The following ENDOU variants were observed in gnomAD, a reference collection of about 807,000 sequenced individuals.
ENDOU encodes uridylate-specific endoribonuclease.
In ENDOU, 49 loss-of-function variants were observed where a neutral mutation model predicts 54.2. The ratio of observed to expected loss-of-function variants is 0.90; its 90% CI spans 0.72 to 1.15. The LOEUF (loss-of-function observed/expected upper bound fraction) is 1.15, where lower values mean the gene tolerates loss of function less well. ENDOU is among the 50% of genes most tolerant of loss of function. The pLI is 0.00. For synonymous variants in ENDOU, 172 were observed against 190.5 expected (o/e 0.90, Z 0.80); for missense variants, 458 against 511.4 (o/e 0.90, Z 1.01).
At chr12:47,721,233 T>C (rs983275445) in intron 1 of ENDOU, among the ~76,000 whole-genome samples, 4 of 152,178 alleles carry the variant, frequency 2.6e-5, no homozygotes, top group African/African-American at 7.2e-5. Flanking sequence ...TTGCAGCTGA[T>C]GCTCAGCTCT....
chr12:47,722,571 C>A (rs986735666), intron 1 of ENDOU, among the ~76,000 whole-genome samples: 1 of 152,118 alleles, frequency 6.6e-6, no homozygotes, highest in African/African-American at 2.4e-5. Context: ...ATTTCATGCC[C>A]ATCTTCCAAG....
intron 8 of ENDOU, 75 bp downstream of exon 8, chr12:47,712,441 A>G: frequency 1.0e-6 from 1 of 996,580 alleles, no homozygotes; most frequent in East Asian, 2.5e-5. Flanking sequence ...CTGAGAGGCA[A>G]GTCGACAGTT....
chr12:47,717,518 C>G lies in ENDOU; in HGVS notation c.382G>C (p.Glu128Gln), dbSNP rs751052292. ...KDFESLCSDH[E>Q]VSHSSDAITK... ...TTAGCTAAGGGAGCAGAAGACTAAC[C>G]GTGGTCACTACACAGGCTCTCAAAA... The change falls in exon 4 of 10, where the codon GAG becomes CAG. Residue 128 changes from glutamate (E) to glutamine (Q), a missense_variant and splice_region_variant. Coordinates refer to ENST00000422538, the MANE Select transcript of ENDOU (RefSeq NM_001172439.2). The G allele has an allele frequency of 1.9e-6, 3 of 1,614,010 alleles. No individual in the cohort carries two copies. The South Asian group carries it at 3.3e-5, about 18-fold the overall frequency.
intron 1 of ENDOU, among the ~76,000 whole-genome samples, chr12:47,722,143 G>C (rs1464346914): frequency 6.6e-6 from 1 of 152,182 alleles, no homozygotes; most frequent in Non-Finnish European, 1.5e-5. Flanking sequence ...TGGGGGCTTG[G>C]TTCTGGTTAT....
chr12:47,716,066 A>G (rs1940216819), intron 6 of ENDOU, among the ~76,000 whole-genome samples: 1 of 152,122 alleles, frequency 6.6e-6, no homozygotes, highest in African/African-American at 2.4e-5. Flanking sequence ...ACATGAAGTC[A>G]AAGGTGGGGT....
rs766280901 is a variant in ENDOU at position 47,717,011 on chromosome 12, T to A, written c.430A>T (p.Ile144Phe). The A allele has an allele frequency of 3.1e-6, 5 of 1,614,026 alleles. No homozygotes were observed. In the East Asian group the frequency reaches 8.9e-5, roughly 29 times the overall value. Residue 144 changes from isoleucine (I) to phenylalanine (F), a missense_variant, in exon 5 of 10, where the codon ATC (isoleucine) becomes TTC (phenylalanine). By Grantham distance (21) the Ile-to-Phe change is conservative (BLOSUM62 0). Transcript: ENST00000422538. ...TCTGCCCTGTAGATCTTCTCAGAGA[T>A]GCTCTGAATCTCCTCTTTTGTTATG... Reference protein sequence around the residue: ...DAITKEEIQSISEKIYRADTN... With the variant: ...DAITKEEIQSFSEKIYRADTN...
intron 1 of ENDOU, among the ~76,000 whole-genome samples, chr12:47,724,837 C>T (rs1940535637): frequency 6.6e-6 from 1 of 152,174 alleles, no homozygotes; most frequent in Non-Finnish European, 1.5e-5. Flanking sequence ...CTGTACAGCC[C>T]CAGATAGGAC....
chr12:47,712,682 C>T, intron 7 of ENDOU, 60 bp from the exon 8 acceptor site: 1 of 1,275,756 alleles, frequency 7.8e-7, no homozygotes, highest in South Asian at 1.3e-5. Flanking sequence ...CCCTCCAATC[C>T]CCTTTCTCCA....
intron 3 of ENDOU, 156 bp downstream of exon 3, chr12:47,717,973 C>T (rs577759848): frequency 3.4e-4 from 246 of 714,864 alleles, no homozygotes; most frequent in East Asian, 1.7e-3. Flanking sequence ...CTGAGCCCCC[C>T]CAGGCTTCTT....
At chr12:47,725,168 G>A (rs1940546239) in intron 1 of ENDOU, among the ~76,000 whole-genome samples, 191 bp downstream of exon 1, 1 of 152,214 alleles carries the variant, frequency 6.6e-6, no homozygotes, top group Non-Finnish European at 1.5e-5. Context: ...TCTCCACATA[G>A]TCCAGTCCAT....
At chr12:47,715,973 TG>T (rs1180802356) in intron 6 of ENDOU, among the ~76,000 whole-genome samples, 1 of 150,886 alleles carries the variant, frequency 6.6e-6, no homozygotes, top group Non-Finnish European at 1.5e-5. Context: ...GTGCTCTGGG[TG>T]GGGGTGGGAT....
chr12:47,710,907 G>T lies in ENDOU; in HGVS notation c.1128C>A (p.Ser376Arg). 3 of 1,609,936 alleles carry T rather than the reference G, an allele frequency of 1.9e-6. No homozygotes were observed. The highest frequency in any genetic ancestry group is 2.5e-6 in the Non-Finnish European group (3 of 1,176,550). The part of the protein sequence containing the change: ...IARPGKVCQL[S>R]LGGYPLAVRT... ...GGACAGCTAAGGGATATCCTCCCAG[G>T]CTTAACTGGCACCTGTGGGGAAAGA... Residue 376 changes from serine (S) to arginine (R), a missense_variant, in exon 10 of 10, where the codon AGC (serine) becomes AGA (arginine). By Grantham distance (110) the Ser-to-Arg change is moderately radical (BLOSUM62 -1). Coordinates refer to ENST00000422538, the MANE Select transcript of ENDOU (RefSeq NM_001172439.2).
At position 47,712,563 on chromosome 12, in the gene ENDOU, C is replaced by T. The variant is rs1940067360; in HGVS notation, c.925G>A (p.Glu309Lys). 6.2e-7 allele frequency: 1 copy of T among 1,614,066 alleles called. No individual in the cohort carries two copies. The highest frequency in any genetic ancestry group is 1.7e-5 in the Admixed American group (1 of 59,998). ...TAATAGTCAACCAGACCCTCCTTCT[C>T]CTCCAGGTAGAAGCGGATCCAGTTA... ...FHNWIRFYLE[E>K]KEGLVDYYSH... The change falls in exon 8 of 10, where the codon GAG (glutamate) becomes AAG (lysine). Residue 309 changes from glutamate (E) to lysine (K), a missense_variant. Glu to Lys is a moderately conservative substitution (Grantham distance 56). Transcript: ENST00000422538.
intron 1 of ENDOU, 35 bp downstream of exon 1, chr12:47,725,324 A>G (rs746612684): frequency 5.6e-6 from 9 of 1,612,420 alleles, no homozygotes; most frequent in South Asian, 1.1e-5. Context: ...ATCCCGCCCC[A>G]CCAGCAATCC....
At chr12:47,716,567 C>A in intron 5 of ENDOU, 68 bp from the exon 6 acceptor site, 1 of 1,469,458 alleles carries the variant, frequency 6.8e-7, no homozygotes, top group African/African-American at 1.4e-5. Context: ...CCAGAGACTT[C>A]TAGACAGGCC....
intron 1 of ENDOU, among the ~76,000 whole-genome samples, chr12:47,724,159 A>C (rs35942370): frequency 0.04 from 6,021 of 152,208 alleles, 177 homozygotes; most frequent in Non-Finnish European, 0.061. Context: ...CTAAGGCTGG[A>C]ATATGCCAAG....
In ENDOU at chr12:47,716,294, A is replaced by G. The variant is rs768685694; in HGVS notation, c.751+6T>C. 6 of 1,613,378 alleles carry G rather than the reference A, an allele frequency of 3.7e-6. No individual in the cohort carries two copies. The highest frequency in any genetic ancestry group is 4.2e-6 in the Non-Finnish European group (5 of 1,179,752). On this transcript the variant is annotated splice_donor_region_variant and intron_variant, in intron 6 of 9. Transcript: ENST00000422538. ...TGCGCTCTGGGGCCTGGGGGTGCTC[A>G]CTCACTCTGGTGATGGAGGAAGCTG...
rs775120214 is a variant in ENDOU, at chr12:47,710,822, A to G, written c.1213T>C (p.Tyr405His). 5.0e-6 allele frequency: 8 copies of G among 1,613,736 alleles called. 1 individual carries two copies. The highest frequency in any genetic ancestry group is 3.3e-5 in the Admixed American group (2 of 60,018). ...TTCTATTAGGTGGAAGACACTATGT[A>G]GGCTGTGGCGATGTACTTCTTGCCA... ...GNGKKYIATA[Y>H]IVSST Residue 405 changes from tyrosine to histidine, a missense_variant, in exon 10 of 10, where the codon TAC (tyrosine) becomes CAC (histidine). Coordinates refer to ENST00000422538, the MANE Select transcript of ENDOU (RefSeq NM_001172439.2).
Position 47,716,947 on chromosome 12 carries a change from C to T in ENDOU, c.494G>A (p.Ser165Asn). Residue 165 changes from serine (S) to asparagine (N), a missense_variant, in exon 5 of 10, where the codon AGC (serine) becomes AAC (asparagine). By Grantham distance (46) the Ser-to-Asn change is conservative (BLOSUM62 1). Transcript: ENST00000422538. Reference protein sequence around the residue: ...KAQKEDIVLNSQNCISPSETR... With the variant: ...KAQKEDIVLNNQNCISPSETR... ...CTCTGACGGGGAGATGCAGTTTTGG[C>T]TATTGAGAACGATGTCTTCCTTCTG... 1 of 1,614,192 alleles carries T rather than the reference C, an allele frequency of 6.2e-7. No homozygotes were observed. Among genetic ancestry groups the T allele is most frequent in the Non-Finnish European group, 8.5e-7 (1 of 1,180,028 alleles).
Sources: allele counts gnomAD v4.1 joint callset (sites outside exome capture counted in the v4.1 genomes callset), GRCh38; gene constraint gnomAD v4.1.1; transcripts MANE v1.5; gene names NCBI Gene and HGNC (gene_info 2026-07-23, HGNC 2026-07-21).